DRD3: variants seen among roughly 807,000 people sequenced by gnomAD.
The protein encoded by DRD3 is dopamine receptor D3.
Under a neutral mutation model 36.3 loss-of-function variants are expected in DRD3, and 19 were observed. The ratio of observed to expected loss-of-function variants is 0.52; its 90% CI spans 0.36 to 0.77. The LOEUF is 0.77. Among genes scored for constraint, DRD3 ranks in the 30% least tolerant of loss-of-function variants. The pLI is 0.00. For synonymous variants in DRD3, 195 were observed against 203.7 expected (o/e 0.96, Z 0.36); for missense variants, 465 against 505.3 (o/e 0.92, Z 0.77).
chr3:114,177,772 A>G (rs2077915153), intron 1 of DRD3, among the ~76,000 whole-genome samples: 1 of 152,226 alleles, frequency 6.6e-6, no homozygotes, highest in Non-Finnish European at 1.5e-5. Flanking sequence ...GTGCCGAGTA[A>G]GAATCTTTCT....
At chr3:114,157,843 G>A (rs1292559990) in intron 3 of DRD3, among the ~76,000 whole-genome samples, 3 of 152,062 alleles carry the variant, frequency 2.0e-5, no homozygotes, top group East Asian at 3.9e-4. Context: ...TGGCTCACAC[G>A]TGTAATCCCA....
chr3:114,131,282 T>C lies in DRD3; in HGVS notation c.842A>G (p.Lys281Arg), dbSNP rs139991171. 2.3e-5 allele frequency: 37 copies of C among 1,614,216 alleles called. No individual in the cohort carries two copies. Among genetic ancestry groups the C allele is most frequent in the Non-Finnish European group, 3.0e-5 (35 of 1,180,028 alleles). The change falls in exon 6 of 7, where the codon AAG becomes AGG. Residue 281 changes from lysine to arginine, a missense_variant. Physicochemically the swap from Lys to Arg is conservative, Grantham distance 26. Transcript: ENST00000383673. ...ERGGELKREE[K>R]TRNSLSPTIA... ...GGTGGGACTCAGGGAATTCCGAGTC[T>C]TCTCCTCTCTTTTCAACTCTCCTCC...
At chr3:114,184,460 T>G (rs57595212) in intron 1 of DRD3, among the ~76,000 whole-genome samples, 6 of 152,268 alleles carry the variant, frequency 3.9e-5, no homozygotes, top group African/African-American at 1.4e-4. Context: ...TCTTAAATTA[T>G]GTAGATAGCA....
intron 4 of DRD3, among the ~76,000 whole-genome samples, chr3:114,146,181 T>C (rs1300033221): frequency 6.6e-6 from 1 of 152,240 alleles, no homozygotes; most frequent in East Asian, 1.9e-4. Context: ...TGTATTTATA[T>C]GTAATATGTT....
intron 1 of DRD3, among the ~76,000 whole-genome samples, chr3:114,184,688 A>G (rs890547708): frequency 7.0e-6 from 1 of 142,286 alleles, no homozygotes; most frequent in African/African-American, 2.5e-5. Context: ...TCAGTCCCCC[A>G]AGTAGCTGGG....
At chr3:114,155,172 G>T (rs1189087758) in intron 3 of DRD3, among the ~76,000 whole-genome samples, 1 of 152,186 alleles carries the variant, frequency 6.6e-6, no homozygotes, top group Non-Finnish European at 1.5e-5. Flanking sequence ...AAGACCAAAG[G>T]TCTGCGTGAA....
chr3:114,129,535 T>C (rs2077408612), intron 6 of DRD3, among the ~76,000 whole-genome samples: 1 of 152,184 alleles, frequency 6.6e-6, no homozygotes, highest in Non-Finnish European at 1.5e-5. Context: ...TTCAGACGTT[T>C]ATTTAATGCC....
Position 114,148,280 on chromosome 3 carries a change from G to T in DRD3, c.384-723C>A, listed in dbSNP as rs771314805. ...CTTTACCGTCTCCTGCAGGTTTTCA[G>T]ACAATGATAGAACATACCTAAAGAG... is the stretch of plus-strand genomic sequence containing the variant. On this transcript the variant is annotated intron_variant, in intron 3 of 6. Coordinates refer to ENST00000383673, the MANE Select transcript of DRD3 (RefSeq NM_000796.6). 6.4e-4 allele frequency among the ~76,000 whole-genome samples: 97 copies of T among 152,102 alleles called. 1 individual carries two copies. The highest frequency in any genetic ancestry group is 9.7e-4 in the Non-Finnish European group (66 of 68,024).
chr3:114,151,092 A>G (rs2077612824), intron 3 of DRD3, among the ~76,000 whole-genome samples: 2 of 152,194 alleles, frequency 1.3e-5, no homozygotes, highest in Non-Finnish European at 2.9e-5. Flanking sequence ...GTCCTCTCTT[A>G]AATCCCCTCC....
intron 3 of DRD3, among the ~76,000 whole-genome samples, chr3:114,155,990 G>C (rs1405235933): frequency 6.6e-6 from 1 of 152,054 alleles, no homozygotes; most frequent in Non-Finnish European, 1.5e-5. Context: ...AGCTCCAGCA[G>C]GTGACCCAAA....
Position 114,178,914 on chromosome 3 carries a change from A to G in DRD3, c.-293T>C, listed in dbSNP as rs962558292. The G allele has an allele frequency of 1.3e-5, 2 of 151,950 alleles. No individual in the cohort carries two copies. Among genetic ancestry groups the G allele is most frequent in the Non-Finnish European group, 2.9e-5 (2 of 67,998 alleles). 9.4% of individuals were successfully genotyped at this position (151,950 alleles called of 1,614,324 possible). A position where few individuals can be genotyped will look rare whatever the true frequency, so the allele number is the denominator to read the frequency against. On this transcript the variant is annotated 5_prime_UTR_variant, in exon 1 of 7. Transcript: ENST00000383673. ...CGAATGTATCCGTTTTCTTTAGAGG[A>G]TTTGGGAGGGACCCTAAACTGAGCG...
At chr3:114,132,537 A>T (rs1200275049) in intron 5 of DRD3, among the ~76,000 whole-genome samples, 2 of 151,200 alleles carry the variant, frequency 1.3e-5, no homozygotes, top group Admixed American at 1.3e-4. Flanking sequence ...ACAAACCTGC[A>T]CGTTCAGCAC....
chr3:114,150,723 C>T (rs567775117), intron 3 of DRD3, among the ~76,000 whole-genome samples: 1 of 152,300 alleles, frequency 6.6e-6, no homozygotes, highest in South Asian at 2.1e-4. Context: ...CCTTGTTGTG[C>T]ACCTCAAGGC....
chr3:114,195,406 C>T (rs1476789156), intron 1 of DRD3, among the ~76,000 whole-genome samples: 1 of 152,032 alleles, frequency 6.6e-6, no homozygotes, highest in Non-Finnish European at 1.5e-5. Context: ...GATTGACATA[C>T]CCTGGAAAAA....
At chr3:114,136,266 A>G (rs1480408249) in intron 5 of DRD3, among the ~76,000 whole-genome samples, 1 of 152,074 alleles carries the variant, frequency 6.6e-6, no homozygotes, top group Non-Finnish European at 1.5e-5. Flanking sequence ...TTGATCTAGT[A>G]TACCCTGTTT....
At chr3:114,150,499 G>C (rs113170080) in intron 3 of DRD3, among the ~76,000 whole-genome samples, 1 of 152,160 alleles carries the variant, frequency 6.6e-6, no homozygotes, top group African/African-American at 2.4e-5. Context: ...TTACAACCTT[G>C]ATATTTTCCA....
At chr3:114,163,539 A>T in intron 2 of DRD3, among the ~76,000 whole-genome samples, 1 of 152,190 alleles carries the variant, frequency 6.6e-6, no homozygotes, top group Middle Eastern at 3.2e-3. Context: ...CCTTTATATT[A>T]CCATTACTCT....
intron 2 of DRD3, among the ~76,000 whole-genome samples, chr3:114,171,481 C>T (rs1483121092): frequency 6.6e-6 from 1 of 152,128 alleles, no homozygotes; most frequent in African/African-American, 2.4e-5. Context: ...AATCCAGTCA[C>T]CTGAACACTG....
Position 114,131,895 on chromosome 3 carries a change from A to G in DRD3, c.724-495T>C, listed in dbSNP as rs556455403. ...CAGGCCAGTTAGAATGGCAATCATT[A>G]AAAAGTCTGGAAAACAACAGATGTT... is the stretch of plus-strand genomic sequence containing the variant. On this transcript the variant is annotated intron_variant, in intron 5 of 6. Transcript: ENST00000383673. Among the ~76,000 whole-genome samples, 5 of 152,340 alleles carry G rather than the reference A, an allele frequency of 3.3e-5. No homozygotes were observed. The South Asian group carries it at 8.3e-4, about 25-fold the overall frequency.
Sources: allele counts gnomAD v4.1 joint callset (sites outside exome capture counted in the v4.1 genomes callset), GRCh38; gene constraint gnomAD v4.1.1; transcripts MANE v1.5; gene names NCBI Gene and HGNC (gene_info 2026-07-23, HGNC 2026-07-21).